TRAF3IP1: variants seen among roughly 807,000 people sequenced by gnomAD.
The protein encoded by TRAF3IP1 is TRAF3-interacting protein 1.
Under a neutral mutation model 89.9 loss-of-function variants are expected in TRAF3IP1, and 53 were observed. The ratio of observed to expected loss-of-function variants is 0.59; its 90% CI spans 0.47 to 0.74. The LOEUF (loss-of-function observed/expected upper bound fraction) is 0.74, where lower values mean the gene tolerates loss of function less well. Ranked by LOEUF, TRAF3IP1 falls within the 30% of genes least tolerant of loss-of-function variation. TRAF3IP1 has a pLI of 0.00. For synonymous variants in TRAF3IP1, 311 were observed against 322.1 expected (o/e 0.97, Z 0.37); for missense variants, 806 against 866.1 (o/e 0.93, Z 0.87).
intron 8 of TRAF3IP1, among the ~76,000 whole-genome samples, chr2:238,342,694 T>A (rs1217451309): frequency 5.3e-5 from 8 of 152,364 alleles, no homozygotes; most frequent in African/African-American, 1.9e-4. Flanking sequence ...TTTTAGATTT[T>A]TTTTTGTTAA....
chr2:238,361,668 C>T (rs1178965359), intron 15 of TRAF3IP1, among the ~76,000 whole-genome samples: 2 of 152,060 alleles, frequency 1.3e-5, no homozygotes, highest in Non-Finnish European at 2.9e-5. Context: ...TATGGTTTTA[C>T]CTCTGGGAAA....
intron 15 of TRAF3IP1, among the ~76,000 whole-genome samples, chr2:238,360,697 T>C (rs1231069948): frequency 6.6e-6 from 1 of 152,056 alleles, no homozygotes. Context: ...TCCTGGCTAA[T>C]GGTGAAACTT....
At chr2:238,325,234 G>C (rs1237601304) in intron 1 of TRAF3IP1, 72 bp from the exon 2 acceptor site, 8 of 1,400,308 alleles carry the variant, frequency 5.7e-6, no homozygotes, top group Admixed American at 1.7e-5. Flanking sequence ...CCCAAGTGTG[G>C]AGTTGAGTGG....
Position 238,348,795 on chromosome 2 carries a change from G to A in TRAF3IP1, c.1314G>A (p.Lys438=), listed in dbSNP as rs1472465067. ...ATGCTGGACCTGCTGGCCAAGATAA[G>A]TCTGAGGTGCCAGAGACTCCAGAAA... ...EGDAGPAGQD[K]SEVPETPEIP... The change falls in exon 11 of 17, where the codon AAG becomes AAA. Residue 438 remains lysine, a synonymous_variant. Transcript: ENST00000373327. 4.2e-5 allele frequency: 67 copies of A among 1,614,048 alleles called. No homozygotes were observed. The highest frequency in any genetic ancestry group is 5.3e-5 in the Non-Finnish European group (63 of 1,180,018).
At chr2:238,325,512 T>C (rs900187883) in intron 2 of TRAF3IP1, 138 bp downstream of exon 2, 19 of 823,886 alleles carry the variant, frequency 2.3e-5, no homozygotes, top group African/African-American at 2.1e-4. Flanking sequence ...TAAATTGATA[T>C]ATATACCCTT....
chr2:238,321,849 T>C (rs1003011071), intron 1 of TRAF3IP1, among the ~76,000 whole-genome samples: 3 of 152,198 alleles, frequency 2.0e-5, no homozygotes, highest in Admixed American at 2.0e-4. Flanking sequence ...GTCCTCAAGC[T>C]CTGTTTCTCA....
At chr2:238,353,321 G>A in intron 14 of TRAF3IP1, 112 bp downstream of exon 14, 1 of 1,220,908 alleles carries the variant, frequency 8.2e-7, no homozygotes, top group Admixed American at 2.0e-5. Flanking sequence ...CCAGGTTCTG[G>A]TCTGGGTCAC....
intron 3 of TRAF3IP1, among the ~76,000 whole-genome samples, chr2:238,326,690 A>C (rs1012788839): frequency 1.3e-5 from 2 of 151,972 alleles, no homozygotes; most frequent in South Asian, 2.1e-4. Flanking sequence ...ACTTGTATTG[A>C]GAGTGTAATT....
At chr2:238,344,879 A>C (rs1245718506) in intron 9 of TRAF3IP1, among the ~76,000 whole-genome samples, 1 of 152,076 alleles carries the variant, frequency 6.6e-6, no homozygotes, top group Non-Finnish European at 1.5e-5. Context: ...GTCCCTGAAA[A>C]GTTTCGGGGT....
intron 15 of TRAF3IP1, among the ~76,000 whole-genome samples, chr2:238,394,204 G>A (rs1701114886): frequency 6.6e-6 from 1 of 152,106 alleles, no homozygotes; most frequent in Non-Finnish European, 1.5e-5. Flanking sequence ...TCAAAAAAAA[G>A]CCTTGAAATT....
At chr2:238,353,492 C>T (rs1239917971) in intron 14 of TRAF3IP1, among the ~76,000 whole-genome samples, 4 of 152,148 alleles carry the variant, frequency 2.6e-5, no homozygotes, top group Admixed American at 2.0e-4. Flanking sequence ...CTCTTCCGTA[C>T]GATTAAATTG....
intron 15 of TRAF3IP1, among the ~76,000 whole-genome samples, chr2:238,368,429 C>T (rs527561246): frequency 4.6e-5 from 7 of 152,198 alleles, no homozygotes; most frequent in East Asian, 1.9e-4. Context: ...AATCTCCGTA[C>T]GGTTTCTTCT....
intron 8 of TRAF3IP1, among the ~76,000 whole-genome samples, chr2:238,338,943 G>C (rs879534287): frequency 1.3e-5 from 2 of 152,214 alleles, no homozygotes; most frequent in Non-Finnish European, 2.9e-5. Context: ...CTGCCTCAGA[G>C]GGGGTGGTCC....
intron 15 of TRAF3IP1, among the ~76,000 whole-genome samples, chr2:238,386,806 TG>T (rs1322892091): frequency 6.6e-6 from 1 of 152,210 alleles, no homozygotes; most frequent in African/African-American, 2.4e-5. Flanking sequence ...AGTGACCCAT[TG>T]GGGCTCATGC....
At chr2:238,398,608 G>A in intron 16 of TRAF3IP1, 146 bp from the exon 17 acceptor site, 2 of 887,044 alleles carry the variant, frequency 2.3e-6, no homozygotes, top group Non-Finnish European at 3.3e-6. Context: ...GGTTGTAGCA[G>A]GGGTTGTGAA....
intron 15 of TRAF3IP1, among the ~76,000 whole-genome samples, chr2:238,382,325 G>A (rs4663887): frequency 0.28 from 42,440 of 152,048 alleles, 6,054 homozygotes; most frequent in African/African-American, 0.29. Context: ...TGGTGGAATC[G>A]TTGACTGTCA....
intron 1 of TRAF3IP1, among the ~76,000 whole-genome samples, chr2:238,324,816 A>G (rs976545748): frequency 6.6e-6 from 1 of 151,496 alleles, no homozygotes; most frequent in African/African-American, 2.4e-5. Context: ...GTTGGCCAGG[A>G]TGGTCTCGAT....
At chr2:238,350,275 G>A (rs1278649170) in intron 12 of TRAF3IP1, among the ~76,000 whole-genome samples, 2 of 152,098 alleles carry the variant, frequency 1.3e-5, no homozygotes, top group Admixed American at 1.3e-4. Flanking sequence ...CTAATGACGG[G>A]AATGATCCAG....
chr2:238,337,745 G>C (rs1339313044), intron 7 of TRAF3IP1, among the ~76,000 whole-genome samples: 2 of 152,164 alleles, frequency 1.3e-5, no homozygotes, highest in African/African-American at 2.4e-5. Flanking sequence ...GGGCTCCTAG[G>C]GGGTGGCCTT....
Sources: gnomAD v4.1 joint callset for allele counts (sites outside exome capture counted in the v4.1 genomes callset) on GRCh38, gnomAD v4.1.1 for gene constraint, MANE v1.5 for transcripts, NCBI Gene and HGNC (gene_info 2026-07-23, HGNC 2026-07-21) for gene names.